The following ADGRG5 variants were observed in gnomAD, a reference collection of about 807,000 sequenced individuals.
The protein encoded by ADGRG5 is G protein-coupled receptor 114.
A neutral mutation model predicts 53.2 loss-of-function variants in ADGRG5; 37 were observed. That is an observed-to-expected ratio of 0.70 (90% CI 0.53 to 0.91). The LOEUF (loss-of-function observed/expected upper bound fraction) is 0.91, where lower values mean the gene tolerates loss of function less well. ADGRG5 is among the 40% of genes least tolerant of loss of function. The pLI is 0.00. For synonymous variants in ADGRG5, 277 were observed against 290.4 expected (o/e 0.95, Z 0.47); for missense variants, 614 against 675.8 (o/e 0.91, Z 1.01).
In ADGRG5 at chr16:57,574,732, C is replaced by T. The variant is rs1596804644; in HGVS notation, c.1209-83C>T. 6.4e-6 allele frequency: 9 copies of T among 1,413,700 alleles called. No homozygotes were observed. The highest frequency in any genetic ancestry group is 4.7e-5 in the East Asian group (2 of 42,968). 87.6% of individuals were successfully genotyped at this position (1,413,700 alleles called of 1,614,324 possible). On this transcript the variant is annotated intron_variant, in intron 10 of 11. Transcript: ENST00000349457. The surrounding 1 kb of genome is among the most constrained non-coding windows in gnomAD (Gnocchi z 4.4). ...AACAATAGGGCCTGAGCCAGGAGAC[C>T]GAGTGGGGCTTCAGGGAGTGATGCT... is the stretch of plus-strand genomic sequence containing the variant.
chr16:57,575,329 C>T, intron 11 of ADGRG5, 109 bp from the exon 12 acceptor site: 2 of 1,083,332 alleles, frequency 1.8e-6, no homozygotes, highest in Non-Finnish European at 2.7e-6. Context: ...GTAAGAGATT[C>T]TGGGAGTTGC....
chr16:57,559,099 C>G (rs2032946056), intron 1 of ADGRG5, among the ~76,000 whole-genome samples: 1 of 151,858 alleles, frequency 6.6e-6, no homozygotes, highest in African/African-American at 2.4e-5. Flanking sequence ...ATTTGCCTAC[C>G]TCGGCCACCC....
the ADGRG5 span, among the ~76,000 whole-genome samples, chr16:57,537,370 C>T: frequency 6.6e-6 from 1 of 152,038 alleles, no homozygotes; most frequent in African/African-American, 2.4e-5. Flanking sequence ...GAAAACCTGG[C>T]CTGATTGGGA....
intron 10 of ADGRG5, among the ~76,000 whole-genome samples, chr16:57,571,019 G>C (rs2033338633): frequency 6.6e-6 from 1 of 152,194 alleles, no homozygotes; most frequent in Non-Finnish European, 1.5e-5. Flanking sequence ...AGGCAGCGAG[G>C]TGGGCCTTTA....
At chr16:57,530,029 T>C in the ADGRG5 span, among the ~76,000 whole-genome samples, 3 of 152,228 alleles carry the variant, frequency 2.0e-5, no homozygotes, top group Non-Finnish European at 4.4e-5. Flanking sequence ...CCTCCATTTA[T>C]GGTATCTATG....
Position 57,549,187 on chromosome 16 carries a change from A to G in ADGRG5, c.-39+6486A>G, listed in dbSNP as rs757699511. On this transcript the variant is annotated intron_variant, in intron 1 of 11. Coordinates refer to ENST00000349457, the MANE Select transcript of ADGRG5 (RefSeq NM_001304376.3). Reference sequence around the variant, plus strand: ...TCCATAGGATAAATTCATAAGAATGAGTTTCCTGGCTTAAAGGATATTCAG... The same window carrying G: ...TCCATAGGATAAATTCATAAGAATGGGTTTCCTGGCTTAAAGGATATTCAG... Among the ~76,000 whole-genome samples the G allele has an allele frequency of 1.0e-3, 153 of 152,216 alleles. 1 individual carries two copies. Among genetic ancestry groups the G allele is most frequent in the Non-Finnish European group, 1.8e-3 (124 of 68,040 alleles).
chr16:57,573,973 C>T (rs2404451), intron 10 of ADGRG5, among the ~76,000 whole-genome samples: 6,402 of 152,228 alleles, frequency 0.042, 402 homozygotes, highest in East Asian at 0.33. Flanking sequence ...TCGCCCACCT[C>T]GGCCTCCCAA....
intron 1 of ADGRG5, among the ~76,000 whole-genome samples, chr16:57,549,978 A>G (rs1163664203): frequency 7.8e-6 from 1 of 127,486 alleles, no homozygotes; most frequent in Non-Finnish European, 1.7e-5. Context: ...ATTTGCATCT[A>G]TACATTTTTT....
the ADGRG5 span, among the ~76,000 whole-genome samples, chr16:57,534,612 G>A: frequency 5.7e-3 from 864 of 152,276 alleles, 19 homozygotes; most frequent in South Asian, 0.068. Context: ...TGAAGTCCAC[G>A]AGCGAGGGCA....
In ADGRG5 at chr16:57,563,966, C is replaced by A. The variant is rs1324928240; in HGVS notation, c.416C>A (p.Thr139Asn). ...CTCATCTGTATCTACTTCTCCAACACCCACTTTTTCAAGGTCAGTGTGATG... is the reference window on the plus strand; with the variant it reads ...CTCATCTGTATCTACTTCTCCAACAACCACTTTTTCAAGGTCAGTGTGATG... The part of the protein sequence containing the change: ...LRLICIYFSN[T>N]HFFKDENNSS... The change falls in exon 5 of 12, where the codon ACC becomes AAC. Residue 139 changes from threonine to asparagine, a missense_variant. By Grantham distance (65) the Thr-to-Asn change is moderately conservative. Transcript: ENST00000349457. 1.9e-6 allele frequency: 3 copies of A among 1,612,646 alleles called. No individual in the cohort carries two copies. Among genetic ancestry groups the A allele is most frequent in the Non-Finnish European group, 2.5e-6 (3 of 1,178,928 alleles).
At chr16:57,529,811 C>T in the ADGRG5 span, among the ~76,000 whole-genome samples, 2 of 152,198 alleles carry the variant, frequency 1.3e-5, no homozygotes, top group Admixed American at 6.5e-5. This position sits in a 1 kb window ranked among gnomAD's most constrained non-coding sequence, Gnocchi z 4.1. Context: ...CACTAACTTA[C>T]CCTGTCATTT....
chr16:57,556,908 C>CTTTTT (rs35948606), intron 1 of ADGRG5, among the ~76,000 whole-genome samples: 1,446 of 115,674 alleles, frequency 0.013, 44 homozygotes, highest in East Asian at 0.024. Flanking sequence ...TTGCCTTCTT[C>CTTTTT]TTTTTTTTTT....
At chr16:57,570,349 C>T in intron 9 of ADGRG5, 69 bp from the exon 10 acceptor site, 1 of 988,358 alleles carries the variant, frequency 1.0e-6, no homozygotes, top group African/African-American at 1.6e-5. Context: ...TCAGCAGCCC[C>T]AGGGACCGCC....
At chr16:57,571,015 C>T (rs1034430653) in intron 10 of ADGRG5, among the ~76,000 whole-genome samples, 3 of 152,014 alleles carry the variant, frequency 2.0e-5, no homozygotes, top group African/African-American at 7.3e-5. Flanking sequence ...AGAGAGGCAG[C>T]GAGGTGGGCC....
intron 1 of ADGRG5, among the ~76,000 whole-genome samples, chr16:57,554,595 C>T (rs963081723): frequency 1.3e-5 from 2 of 152,160 alleles, no homozygotes; most frequent in South Asian, 2.1e-4. Flanking sequence ...CCAGGATGGT[C>T]TCAATCTCCT....
At chr16:57,539,184 A>G (rs551250599), upstream of ADGRG5, among the ~76,000 whole-genome samples, 35 of 152,210 alleles carry the variant, frequency 2.3e-4, no homozygotes, top group Non-Finnish European at 4.3e-4. Flanking sequence ...AACACGGAGG[A>G]ACCTTGAAGA....
chr16:57,531,470 A>G, the ADGRG5 span, among the ~76,000 whole-genome samples: 15 of 147,606 alleles, frequency 1.0e-4, no homozygotes, highest in African/African-American at 3.7e-4. Context: ...CACCTGGGTA[A>G]CAGTACCCAC....
chr16:57,564,001 G>C, intron 5 of ADGRG5, 22 bp downstream of exon 5: 3 of 1,604,418 alleles, frequency 1.9e-6, no homozygotes, highest in Non-Finnish European at 2.6e-6. Context: ...GGCGGGCCAA[G>C]GAGGGTGGGT....
intron 1 of ADGRG5, among the ~76,000 whole-genome samples, chr16:57,544,823 C>T (rs767682950): frequency 6.6e-6 from 1 of 152,164 alleles, no homozygotes; most frequent in Non-Finnish European, 1.5e-5. Context: ...AAGTCTCACT[C>T]TGTCACCCAG....
Sources: allele counts gnomAD v4.1 joint callset (sites outside exome capture counted in the v4.1 genomes callset), GRCh38; gene constraint gnomAD v4.1.1; non-coding constraint Gnocchi (gnomAD v3.1); transcripts MANE v1.5; gene names NCBI Gene and HGNC (gene_info 2026-07-23, HGNC 2026-07-21).